PCDHGA8: variants seen among roughly 807,000 people sequenced by gnomAD.
The protein encoded by PCDHGA8 is protocadherin gamma subfamily A, 8.
A neutral mutation model predicts 59.2 loss-of-function variants in PCDHGA8; 45 were observed. The observed-to-expected ratio is 0.76, with a 90% CI of 0.60 to 0.98. The LOEUF is 0.98. PCDHGA8 is among the 50% of genes least tolerant of loss of function. The pLI is 0.00. For synonymous variants in PCDHGA8, 531 were observed against 519.0 expected, an observed-to-expected ratio of 1.02 and a Z score of -0.32; for missense variants, 1,257 against 1,196.2, an observed-to-expected ratio of 1.05 and a Z score of -0.75.
chr5:141,495,973 A>C (rs2099764953), intron 2 of PCDHGA8, among the ~76,000 whole-genome samples: 1 of 146,988 alleles, frequency 6.8e-6, no homozygotes, highest in African/African-American at 2.5e-5. Context: ...TTTCTCTGTT[A>C]CTCTTTCTTT....
In PCDHGA8 at chr5:141,394,112, C is replaced by G. The variant is rs771784855; in HGVS notation, c.1299C>G (p.Ser433=). 9 of 1,613,946 alleles carry G rather than the reference C, an allele frequency of 5.6e-6. No homozygotes were observed. The highest frequency in any genetic ancestry group is 2.7e-5 in the African/African-American group (2 of 75,060). ...CAGATCTAGGAACACCACCTCTGTCCACTGAAACTCAAATCGCTCTGCACG... is the reference window on the plus strand; with the variant it reads ...CAGATCTAGGAACACCACCTCTGTCGACTGAAACTCAAATCGCTCTGCACG... ...MASDLGTPPL[S]TETQIALHVA... Residue 433 remains serine, a synonymous_variant, in exon 1 of 4, where the codon TCC becomes TCG. Transcript: ENST00000398604.
chr5:141,433,076 C>G, intron 1 of PCDHGA8: 1 of 1,614,188 alleles, frequency 6.2e-7, no homozygotes, highest in Non-Finnish European at 8.5e-7. Context: ...CTTCCCCCAG[C>G]CCAACTATGC....
intron 1 of PCDHGA8, chr5:141,408,244 G>A (rs746604555): frequency 6.3e-7 from 1 of 1,585,990 alleles, no homozygotes; most frequent in Non-Finnish European, 8.6e-7. Context: ...CCGGCCCGCG[G>A]CAGGTGCTAT....
intron 1 of PCDHGA8, chr5:141,419,897 A>G: frequency 1.2e-6 from 2 of 1,613,960 alleles, no homozygotes; most frequent in African/African-American, 2.7e-5. Flanking sequence ...CGACCATCCC[A>G]CACCCTCTGA....
chr5:141,486,559 G>A lies in PCDHGA8; in HGVS notation c.2425-8248G>A. ...CTTTCTTTCAGAGGTCACATGAGGTGTTTGTTCCTGAGAACAATCGCCCAG... is the reference window on the plus strand; with the variant it reads ...CTTTCTTTCAGAGGTCACATGAGGTATTTGTTCCTGAGAACAATCGCCCAG... On this transcript the variant is annotated intron_variant, in intron 1 of 3. Transcript: ENST00000398604. This position sits in a 1 kb window ranked among gnomAD's most constrained non-coding sequence, Gnocchi z 5.0. 6.2e-7 allele frequency: 1 copy of A among 1,614,032 alleles called. No individual in the cohort carries two copies. Among genetic ancestry groups the A allele is most frequent in the Non-Finnish European group, 8.5e-7 (1 of 1,180,022 alleles).
At chr5:141,436,691 A>G (rs2097840863) in intron 1 of PCDHGA8, among the ~76,000 whole-genome samples, 1 of 152,226 alleles carries the variant, frequency 6.6e-6, no homozygotes, top group Admixed American at 6.5e-5. Context: ...TATATTTTCA[A>G]TGCCAGCACA....
intron 1 of PCDHGA8, among the ~76,000 whole-genome samples, chr5:141,464,557 C>A (rs1342964264): frequency 6.6e-6 from 1 of 152,132 alleles, no homozygotes; most frequent in Non-Finnish European, 1.5e-5. Context: ...CCCCATCTTG[C>A]ATTCCTACAA....
chr5:141,399,472 C>T lies in PCDHGA8; in HGVS notation c.2424+4235C>T, dbSNP rs763239278. On this transcript the variant is annotated intron_variant, in intron 1 of 3. Transcript: ENST00000398604. ...CGTCAACGATAACGCTCCGGTTTTCCACCAGGCGTCCTACTTAGTCAGTGT... is the reference window on the plus strand; with the variant it reads ...CGTCAACGATAACGCTCCGGTTTTCTACCAGGCGTCCTACTTAGTCAGTGT... 29 of 1,613,908 alleles carry T rather than the reference C, an allele frequency of 1.8e-5. No individual in the cohort carries two copies. The South Asian group carries it at 2.9e-4, about 16-fold the overall frequency.
chr5:141,422,656 G>A (rs759548203), intron 1 of PCDHGA8: 3 of 1,609,780 alleles, frequency 1.9e-6, no homozygotes, highest in Non-Finnish European at 1.7e-6. Context: ...CTCAGTGACC[G>A]CCCTCGACCC....
At position 141,403,043 on chromosome 5, in the gene PCDHGA8, A is replaced by C. The variant is rs779412498; in HGVS notation, c.2424+7806A>C. On this transcript the variant is annotated intron_variant, in intron 1 of 3. Coordinates refer to ENST00000398604, the MANE Select transcript of PCDHGA8 (RefSeq NM_032088.2). ...GCTATGGGAGGCCAGGGCCAGTCAG[A>C]TTCGCTACTCAGTGCCTGAAGAGAC... 21 of 1,614,070 alleles carry C rather than the reference A, an allele frequency of 1.3e-5. No homozygotes were observed. In the South Asian group the frequency reaches 2.3e-4, roughly 18 times the overall value.
In PCDHGA8 at chr5:141,485,935, C is replaced by T. The variant is rs2099621642; in HGVS notation, c.2425-8872C>T. The T allele has an allele frequency of 6.2e-7, 1 of 1,614,026 alleles. No homozygotes were observed. Among genetic ancestry groups the T allele is most frequent in the Non-Finnish European group, 8.5e-7 (1 of 1,180,038 alleles). On this transcript the variant is annotated intron_variant, in intron 1 of 3. Coordinates refer to ENST00000398604, the MANE Select transcript of PCDHGA8 (RefSeq NM_032088.2). The surrounding 1 kb of genome is among the most constrained non-coding windows in gnomAD (Gnocchi z 5.7). Reference sequence around the variant, plus strand: ...GCTACAGGATTAGTGTGTTGGAGAGCGCACCAGCGGGCATGGTGCTCATCC... The same window carrying T: ...GCTACAGGATTAGTGTGTTGGAGAGTGCACCAGCGGGCATGGTGCTCATCC...
At chr5:141,508,535 C>CA (rs1426956469) in intron 3 of PCDHGA8, among the ~76,000 whole-genome samples, 1 of 152,172 alleles carries the variant, frequency 6.6e-6, no homozygotes, top group Admixed American at 6.5e-5. Flanking sequence ...GGGCACCCCC[C>CA]ACGAGGTGGG....
chr5:141,410,631 C>CT (rs768462511), intron 1 of PCDHGA8: 26 of 1,600,818 alleles, frequency 1.6e-5, no homozygotes, highest in Non-Finnish European at 2.2e-5. Context: ...GTGAGTTTCT[C>CT]TTTTTTGTGT....
chr5:141,435,593 G>T (rs183768133), intron 1 of PCDHGA8, among the ~76,000 whole-genome samples: 1 of 152,112 alleles, frequency 6.6e-6, no homozygotes, highest in East Asian at 1.9e-4. Flanking sequence ...CAGTAATATC[G>T]CCTGCTTTTT....
chr5:141,421,420 G>C, intron 1 of PCDHGA8: 1 of 1,614,084 alleles, frequency 6.2e-7, no homozygotes, highest in Non-Finnish European at 8.5e-7. Context: ...GAAGCGCGGA[G>C]TCCGCATCGT....
chr5:141,459,757 G>A (rs1360124889), intron 1 of PCDHGA8, among the ~76,000 whole-genome samples: 3 of 152,162 alleles, frequency 2.0e-5, no homozygotes, highest in Admixed American at 2.0e-4. Context: ...ATTCTAGTGG[G>A]TGTGTGATAC....
At position 141,477,910 on chromosome 5, in the gene PCDHGA8, G is replaced by C. The variant is rs766164142; in HGVS notation, c.2425-16897G>C. ...TGTCACGGGTGGTAGGCTGGGACGC[G>C]GATGCAGGGCACAATGCCTGGCTCT... On this transcript the variant is annotated intron_variant, in intron 1 of 3. Coordinates refer to ENST00000398604, the MANE Select transcript of PCDHGA8 (RefSeq NM_032088.2). This position sits in a 1 kb window ranked among gnomAD's most constrained non-coding sequence, Gnocchi z 4.9. 3 of 1,614,168 alleles carry C rather than the reference G, an allele frequency of 1.9e-6. No homozygotes were observed. Among genetic ancestry groups the C allele is most frequent in the Non-Finnish European group, 2.5e-6 (3 of 1,180,032 alleles).
At chr5:141,473,330 C>T (rs1431360397) in intron 1 of PCDHGA8, among the ~76,000 whole-genome samples, 2 of 152,208 alleles carry the variant, frequency 1.3e-5, no homozygotes, top group East Asian at 3.8e-4. Flanking sequence ...TAAGTGCCTG[C>T]TGTGCTAGAC....
At chr5:141,504,113 C>A (rs568207803) in intron 2 of PCDHGA8, among the ~76,000 whole-genome samples, 1 of 152,220 alleles carries the variant, frequency 6.6e-6, no homozygotes, top group Non-Finnish European at 1.5e-5. Flanking sequence ...TGTGTGTGTG[C>A]CAGGGCTGTT....
Sources: gnomAD v4.1 joint callset for allele counts (sites outside exome capture counted in the v4.1 genomes callset) on GRCh38, gnomAD v4.1.1 for gene constraint, Gnocchi (gnomAD v3.1) non-coding constraint, MANE v1.5 for transcripts, NCBI Gene and HGNC (gene_info 2026-07-23, HGNC 2026-07-21) for gene names.